The following SRRM4 variants were observed in gnomAD, a reference collection of about 807,000 sequenced individuals.
The protein encoded by SRRM4 is serine/arginine repetitive matrix 4.
In SRRM4, 33 loss-of-function variants were observed where a neutral mutation model predicts 68.9. That is an observed-to-expected ratio of 0.48 (90% CI 0.36 to 0.64). The LOEUF is 0.64. Ranked by LOEUF, SRRM4 falls within the 30% of genes least tolerant of loss-of-function variation. SRRM4 has a pLI of 0.00. For missense variants in SRRM4, 817 were observed against 827.1 expected (o/e 0.99, Z 0.15); for synonymous variants, 318 against 318.8 (o/e 1.00, Z 0.03).
chr12:119,134,977 T>A (rs1565916564), intron 8 of SRRM4, among the ~76,000 whole-genome samples: 1 of 152,214 alleles, frequency 6.6e-6, no homozygotes, highest in Non-Finnish European at 1.5e-5. Context: ...ATACTTTACA[T>A]AATTTTTGCC....
At position 119,125,458 on chromosome 12, in the gene SRRM4, G is replaced by T. The variant is rs200534240; in HGVS notation, c.593G>T (p.Arg198Leu). 6.2e-7 allele frequency: 1 copy of T among 1,607,880 alleles called. No homozygotes were observed. The highest frequency in any genetic ancestry group is 1.1e-5 in the South Asian group (1 of 90,430). The change falls in exon 7 of 13, where the codon CGC becomes CTC. Residue 198 changes from arginine to leucine, a missense_variant. Arg to Leu is a moderately radical substitution (Grantham distance 102). Transcript: ENST00000267260. ...TCGCGGTCCCAGAGCTCGGAGTCCCGCCCCTCAAGCTGTGAGAGCAGGTAA... is the reference window on the plus strand; with the variant it reads ...TCGCGGTCCCAGAGCTCGGAGTCCCTCCCCTCAAGCTGTGAGAGCAGGTAA... ...CPSRSQSSES[R>L]PSSCESRHRG...
intron 6 of SRRM4, 75 bp from the exon 7 acceptor site, chr12:119,125,306 A>C: frequency 1.5e-5 from 20 of 1,347,800 alleles, no homozygotes; most frequent in Non-Finnish European, 2.0e-5. Context: ...GGGTGTCACA[A>C]GATCAAATCT....
chr12:119,137,396 T>C (rs1954336010), intron 8 of SRRM4, among the ~76,000 whole-genome samples: 1 of 152,192 alleles, frequency 6.6e-6, no homozygotes. Context: ...TTCCCCGTTC[T>C]TGATTAAATA....
At chr12:119,099,296 G>A (rs1954064186) in intron 1 of SRRM4, among the ~76,000 whole-genome samples, 1 of 152,066 alleles carries the variant, frequency 6.6e-6, no homozygotes, top group Non-Finnish European at 1.5e-5. Context: ...CACCATACCA[G>A]CTAATTCTTT....
At chr12:119,155,184 A>T (rs1954464494) in intron 12 of SRRM4, among the ~76,000 whole-genome samples, 1 of 152,264 alleles carries the variant, frequency 6.6e-6, no homozygotes, top group Non-Finnish European at 1.5e-5. Context: ...TTCCTGGAAC[A>T]GGTAAGGCCT....
chr12:119,033,436 T>G (rs1001661072), intron 1 of SRRM4, among the ~76,000 whole-genome samples: 1 of 152,188 alleles, frequency 6.6e-6, no homozygotes, highest in Admixed American at 6.5e-5. Flanking sequence ...GAGACGGAGG[T>G]GGGCAGATCA....
chr12:119,101,625 G>A (rs1174920341), intron 1 of SRRM4, among the ~76,000 whole-genome samples: 1 of 151,984 alleles, frequency 6.6e-6, no homozygotes, highest in Admixed American at 6.6e-5. Flanking sequence ...TATAACTGAA[G>A]AAACTGCAAC....
rs548226646 is a variant in SRRM4, at chr12:119,131,436, A to T, written c.771+602A>T. ...CTAGTCCCTTCTACAGATAGGAAAG[A>T]AGAATCAAGGCTCAGAGAGGTTAAG... On this transcript the variant is annotated intron_variant, in intron 8 of 12. Transcript: ENST00000267260. Among the ~76,000 whole-genome samples, 9 of 152,332 alleles carry T rather than the reference A, an allele frequency of 5.9e-5. No individual in the cohort carries two copies. In the East Asian group the frequency reaches 1.7e-3, roughly 29 times the overall value.
chr12:119,155,172 C>T (rs1350377680), intron 12 of SRRM4, among the ~76,000 whole-genome samples: 1 of 152,242 alleles, frequency 6.6e-6, no homozygotes, highest in Admixed American at 6.5e-5. Flanking sequence ...AGGTGGATAC[C>T]GTTCCTGGAA....
At chr12:119,058,317 G>T (rs528975806) in intron 1 of SRRM4, among the ~76,000 whole-genome samples, 8 of 152,154 alleles carry the variant, frequency 5.3e-5, no homozygotes, top group Non-Finnish European at 1.2e-4. Flanking sequence ...AAATAGTAAA[G>T]ATTAACAATA....
At chr12:119,105,179 A>G (rs1015077813) in intron 2 of SRRM4, among the ~76,000 whole-genome samples, 3 of 151,952 alleles carry the variant, frequency 2.0e-5, no homozygotes, top group Non-Finnish European at 2.9e-5. Flanking sequence ...ATAGTATTCC[A>G]TGGTGTATAT....
At chr12:119,025,428 G>GTTT (rs74903455) in intron 1 of SRRM4, among the ~76,000 whole-genome samples, 1 of 148,480 alleles carries the variant, frequency 6.7e-6, no homozygotes, top group African/African-American at 2.5e-5. Context: ...CATATATGGA[G>GTTT]TTTTTTTTTT....
In SRRM4 at chr12:119,005,481, G is replaced by T. The variant is rs527946642; in HGVS notation, c.131+23468G>T. Among the ~76,000 whole-genome samples the T allele has an allele frequency of 2.0e-5, 3 of 152,162 alleles. No individual in the cohort carries two copies. In the East Asian group the frequency reaches 5.8e-4, roughly 29 times the overall value. On this transcript the variant is annotated intron_variant, in intron 1 of 12. Transcript: ENST00000267260. ...CCTGGACATTGGGATTTTCTTAATC[G>T]CTCCCTAGGTGATCCTAATGTGCAC...
At chr12:119,051,266 G>A (rs906998482) in intron 1 of SRRM4, among the ~76,000 whole-genome samples, 3 of 152,212 alleles carry the variant, frequency 2.0e-5, no homozygotes, top group Admixed American at 6.5e-5. Context: ...ATAAGATTGT[G>A]ATGCTGTTGT....
At chr12:118,999,290 A>C (rs1431771614) in intron 1 of SRRM4, among the ~76,000 whole-genome samples, 1 of 152,144 alleles carries the variant, frequency 6.6e-6, no homozygotes. Context: ...GGGAGGCTGC[A>C]GGAGCCGGAT....
chr12:119,026,014 T>C (rs1157054594), intron 1 of SRRM4, among the ~76,000 whole-genome samples: 1 of 151,932 alleles, frequency 6.6e-6, no homozygotes, highest in Non-Finnish European at 1.5e-5. Flanking sequence ...GGAAGCAACC[T>C]GTGGGAGGTT....
chr12:119,114,185 C>A, intron 2 of SRRM4, 93 bp from the exon 3 acceptor site: 1 of 1,065,978 alleles, frequency 9.4e-7, no homozygotes, highest in Non-Finnish European at 1.4e-6. Context: ...CTTGATCATC[C>A]AAGGACCTGG....
At chr12:118,992,669 G>A (rs1381986412) in intron 1 of SRRM4, among the ~76,000 whole-genome samples, 1 of 152,138 alleles carries the variant, frequency 6.6e-6, no homozygotes. Flanking sequence ...CCTTTCAATG[G>A]TCAGTTCTTT....
intron 9 of SRRM4, 85 bp from the exon 10 acceptor site, chr12:119,150,932 C>T: frequency 1.5e-6 from 2 of 1,319,980 alleles, no homozygotes; most frequent in Non-Finnish European, 2.1e-6. Flanking sequence ...AGCACCACAG[C>T]CTAGGCCAAG....
Sources: allele counts gnomAD v4.1 joint callset (sites outside exome capture counted in the v4.1 genomes callset), GRCh38; gene constraint gnomAD v4.1.1; transcripts MANE v1.5; gene names NCBI Gene and HGNC (gene_info 2026-07-23, HGNC 2026-07-21).